RTN1: variants seen among roughly 807,000 people sequenced by gnomAD.
RTN1 encodes reticulon-1.
In RTN1, 25 loss-of-function variants were observed where a neutral mutation model predicts 65.5. The ratio of observed to expected loss-of-function variants is 0.38; its 90% confidence interval spans 0.28 to 0.53. RTN1 has a LOEUF of 0.53. Among genes scored for constraint, RTN1 ranks in the 20% least tolerant of loss-of-function variants. The pLI is 0.79. For missense variants in RTN1, 983 were observed against 1,025.4 expected, an observed-to-expected ratio of 0.96 and a Z score of 0.57; for synonymous variants, 471 against 447.6, an observed-to-expected ratio of 1.05 and a Z score of -0.66.
At chr14:59,620,514 A>G (rs1309223023) in intron 3 of RTN1, among the ~76,000 whole-genome samples, 3 of 152,172 alleles carry the variant, frequency 2.0e-5, no homozygotes, top group Non-Finnish European at 4.4e-5. Flanking sequence ...TTCTTTTTGT[A>G]TTGATATTTT....
At chr14:59,724,725 G>GAA (rs373673774) in intron 3 of RTN1, among the ~76,000 whole-genome samples, 2 of 138,710 alleles carry the variant, frequency 1.4e-5, no homozygotes, top group East Asian at 2.1e-4. Context: ...TGTGTCAGAC[G>GAA]AAAAAAAAAA....
intron 3 of RTN1, among the ~76,000 whole-genome samples, chr14:59,703,054 C>A (rs951333596): frequency 1.3e-5 from 2 of 152,152 alleles, no homozygotes; most frequent in Admixed American, 6.5e-5. Flanking sequence ...TCCACTCTCA[C>A]CTTCTTCAAT....
At chr14:59,759,555 T>C (rs1885706020) in intron 1 of RTN1, among the ~76,000 whole-genome samples, 1 of 152,218 alleles carries the variant, frequency 6.6e-6, no homozygotes, top group Admixed American at 6.5e-5. Flanking sequence ...ATCTCACTGT[T>C]GCTTCCAGGC....
chr14:59,818,022 C>A (rs1335904395), intron 1 of RTN1, among the ~76,000 whole-genome samples: 1 of 152,134 alleles, frequency 6.6e-6, no homozygotes, highest in Non-Finnish European at 1.5e-5. Flanking sequence ...CCCTTACCCT[C>A]CTCCCACATT....
chr14:59,627,498 G>A (rs1882431746), intron 3 of RTN1, among the ~76,000 whole-genome samples: 1 of 152,194 alleles, frequency 6.6e-6, no homozygotes, highest in South Asian at 2.1e-4. Flanking sequence ...ATTGTAGGAT[G>A]GTACTGATCT....
At chr14:59,722,669 A>T (rs1009852788) in intron 3 of RTN1, among the ~76,000 whole-genome samples, 2 of 152,070 alleles carry the variant, frequency 1.3e-5, no homozygotes, top group Admixed American at 1.3e-4. Flanking sequence ...TCAGTGAAAA[A>T]CTATATATTC....
chr14:59,598,090 G>A (rs540184033), intron 8 of RTN1, among the ~76,000 whole-genome samples: 1 of 152,266 alleles, frequency 6.6e-6, no homozygotes, highest in South Asian at 2.1e-4. Context: ...AAAAAATTGG[G>A]AAATGAGAGT....
intron 3 of RTN1, among the ~76,000 whole-genome samples, chr14:59,662,367 G>A (rs1594661871): frequency 7.2e-6 from 1 of 137,982 alleles, no homozygotes; most frequent in East Asian, 2.1e-4. Flanking sequence ...GTGTCCAAGT[G>A]TTCTCATTGT....
intron 3 of RTN1, among the ~76,000 whole-genome samples, chr14:59,632,367 T>C (rs1317475238): frequency 1.3e-5 from 2 of 152,160 alleles, no homozygotes; most frequent in African/African-American, 4.8e-5. Context: ...GGGAATTCTG[T>C]CAGTTAAATA....
intron 3 of RTN1, among the ~76,000 whole-genome samples, chr14:59,639,679 T>C (rs1882736132): frequency 1.3e-5 from 2 of 152,230 alleles, no homozygotes; most frequent in African/African-American, 4.8e-5. Flanking sequence ...TTTTTAGCTG[T>C]CCTTTATCAG....
At chr14:59,863,174 T>C (rs1262629130) in intron 1 of RTN1, among the ~76,000 whole-genome samples, 1 of 151,910 alleles carries the variant, frequency 6.6e-6, no homozygotes, top group Non-Finnish European at 1.5e-5. Flanking sequence ...ATTTACATCA[T>C]CTTGCAAATA....
chr14:59,792,129 G>T (rs1389567750), intron 1 of RTN1, among the ~76,000 whole-genome samples: 2 of 152,066 alleles, frequency 1.3e-5, no homozygotes, highest in Non-Finnish European at 2.9e-5. Context: ...GCCATTATTT[G>T]ATGGCTGCCA....
rs560894239 is a variant in RTN1, at chr14:59,745,809, T to C, written c.914A>G (p.Asp305Gly). 21 of 1,614,058 alleles carry C rather than the reference T, an allele frequency of 1.3e-5. No homozygotes were observed. The South Asian group carries it at 2.0e-4, about 15-fold the overall frequency. ...GTCAGGACTTGGCTTTAGACATATA[T>C]CTTGCTTCTCAGGGGTCTTCTCTTG... is the stretch of plus-strand genomic sequence containing the variant. ...TTQEKTPEKQ[D>G]ICLKPSPDTV... is the part of the protein sequence containing the mutation. The change falls in exon 2 of 9, where the codon GAT (aspartate) becomes GGT (glycine). Residue 305 changes from aspartate (D) to glycine (G), a missense_variant. Transcript: ENST00000267484.
At chr14:59,833,159 G>A (rs1887155702) in intron 1 of RTN1, among the ~76,000 whole-genome samples, 1 of 152,206 alleles carries the variant, frequency 6.6e-6, no homozygotes, top group Non-Finnish European at 1.5e-5. Context: ...ACACCAGCAT[G>A]TCTGGAAAGT....
At chr14:59,810,536 C>A (rs142904903) in intron 1 of RTN1, among the ~76,000 whole-genome samples, 1 of 152,270 alleles carries the variant, frequency 6.6e-6, no homozygotes, top group African/African-American at 2.4e-5. Flanking sequence ...ATCTAAGACT[C>A]TTCACATTTT....
At chr14:59,639,930 G>A (rs890635157) in intron 3 of RTN1, among the ~76,000 whole-genome samples, 1 of 152,046 alleles carries the variant, frequency 6.6e-6, no homozygotes. Context: ...GATTCAATAT[G>A]CTAATATTTT....
intron 1 of RTN1, among the ~76,000 whole-genome samples, chr14:59,848,943 G>A (rs933835613): frequency 3.6e-5 from 5 of 139,534 alleles, no homozygotes; most frequent in African/African-American, 1.2e-4. Flanking sequence ...TATTTCAATA[G>A]TCCCCACCCC....
rs1885183062 is a variant in RTN1, at chr14:59,744,860, T to C, written c.1015+848A>G. Among the ~76,000 whole-genome samples the C allele has an allele frequency of 2.6e-5, 4 of 152,150 alleles. No individual in the cohort carries two copies. The South Asian group carries it at 8.3e-4, about 32-fold the overall frequency. The stretch of plus-strand genomic sequence containing the variant: ...AACAGCCAGTGTGCTCTCCTCATAA[T>C]GTCTCCAAGAGACCTGTGCTATAGT... On this transcript the variant is annotated intron_variant, in intron 2 of 8. Transcript: ENST00000267484.
At chr14:59,847,406 A>G (rs948067512) in intron 1 of RTN1, among the ~76,000 whole-genome samples, 2 of 152,186 alleles carry the variant, frequency 1.3e-5, no homozygotes, top group African/African-American at 4.8e-5. Flanking sequence ...CAATGTTTCC[A>G]TTTGACTAAT....
Sources: allele counts gnomAD v4.1 joint callset (sites outside exome capture counted in the v4.1 genomes callset), GRCh38; gene constraint gnomAD v4.1.1; transcripts MANE v1.5; gene names NCBI Gene and HGNC (gene_info 2026-07-23, HGNC 2026-07-21).